Variants in FARP1 observed in about 807,000 individuals in gnomAD.
FARP1 encodes FERM, ARHGEF and pleckstrin domain-containing protein 1.
FARP1 carries 52 observed loss-of-function variants against 128.8 expected under a neutral mutation model. The ratio of observed to expected loss-of-function variants is 0.40; its 90% CI spans 0.32 to 0.51. The LOEUF is 0.51. FARP1 is among the 20% of genes least tolerant of loss of function. The pLI is 0.45. For synonymous variants in FARP1, 580 were observed against 551.8 expected, an observed-to-expected ratio of 1.05 and a Z score of -0.72; for missense variants, 1,333 against 1,367.9, an observed-to-expected ratio of 0.97 and a Z score of 0.40.
chr13:98,392,968 G>C (rs1224257241), intron 11 of FARP1, among the ~76,000 whole-genome samples: 1 of 152,070 alleles, frequency 6.6e-6, no homozygotes, highest in Non-Finnish European at 1.5e-5. Flanking sequence ...TGCTAACCTG[G>C]AGTATTTTGA....
intron 2 of FARP1, among the ~76,000 whole-genome samples, chr13:98,332,131 T>C (rs1231040726): frequency 6.6e-6 from 1 of 152,146 alleles, no homozygotes; most frequent in Non-Finnish European, 1.5e-5. Context: ...TTCAGTGGTA[T>C]TAAGTATGTT....
intron 2 of FARP1, chr13:98,338,979 A>G (rs1887852130): frequency 2.0e-5 from 3 of 152,168 alleles, no homozygotes; most frequent in Admixed American, 6.5e-5. Flanking sequence ...GCGTTGACAC[A>G]CTTAGATAGT....
At chr13:98,174,261 A>G (rs973585034) in intron 1 of FARP1, among the ~76,000 whole-genome samples, 2 of 152,196 alleles carry the variant, frequency 1.3e-5, no homozygotes, top group East Asian at 1.9e-4. Flanking sequence ...TAAGAACTAT[A>G]TATCTTAGTG....
chr13:98,447,837 CCT>C (rs1448956831), intron 26 of FARP1: 3 of 184,756 alleles, frequency 1.6e-5, no homozygotes, highest in South Asian at 1.8e-4. Flanking sequence ...AGAGCCAGAC[CCT>C]GTCTCAAAAA....
At chr13:98,357,605 T>G (rs1161886002) in intron 3 of FARP1, among the ~76,000 whole-genome samples, 1 of 152,204 alleles carries the variant, frequency 6.6e-6, no homozygotes, top group Non-Finnish European at 1.5e-5. Context: ...GGATCTTTTT[T>G]TATATCTTCC....
chr13:98,239,183 T>C (rs1882617083), intron 2 of FARP1, among the ~76,000 whole-genome samples: 1 of 152,186 alleles, frequency 6.6e-6, no homozygotes, highest in Non-Finnish European at 1.5e-5. Flanking sequence ...TTAAGATACT[T>C]ACCCTATGGA....
intron 2 of FARP1, chr13:98,328,457 T>C (rs1023143391): frequency 1.3e-5 from 2 of 152,210 alleles, no homozygotes; most frequent in Admixed American, 6.5e-5. Flanking sequence ...TAAGCACTTA[T>C]CACACACTGT....
chr13:98,161,064 T>C (rs1876847379), intron 1 of FARP1, among the ~76,000 whole-genome samples: 1 of 152,084 alleles, frequency 6.6e-6, no homozygotes, highest in Non-Finnish European at 1.5e-5. Flanking sequence ...AAGTTAGAAT[T>C]CCCCTATGCC....
intron 2 of FARP1, among the ~76,000 whole-genome samples, chr13:98,289,977 C>T (rs781165154): frequency 2.1e-4 from 32 of 152,146 alleles, no homozygotes; most frequent in African/African-American, 7.2e-4. Context: ...CATACACACG[C>T]GTACTTCTCC....
At chr13:98,197,281 A>G (rs926460313) in intron 1 of FARP1, among the ~76,000 whole-genome samples, 2 of 152,168 alleles carry the variant, frequency 1.3e-5, no homozygotes, top group African/African-American at 4.8e-5. Context: ...AGCCTGACCA[A>G]CATGGAGAAA....
rs776063607 is a variant in FARP1, at chr13:98,244,518, G to A, written c.171+31105G>A. 2.2e-5 allele frequency: 36 copies of A among 1,614,122 alleles called. No individual in the cohort carries two copies. In the Admixed American group the frequency reaches 5.8e-4, roughly 26 times the overall value. ...GGTGTCCTCATCCTCCTTCCTCAAA[G>A]CCACCGGCTCCTCCTGGACGGGTTG... On this transcript the variant is annotated intron_variant, in intron 2 of 26. Coordinates refer to ENST00000319562, the MANE Select transcript of FARP1 (RefSeq NM_005766.4).
intron 2 of FARP1, among the ~76,000 whole-genome samples, chr13:98,335,922 G>GCTAAT (rs1372740867): frequency 3.3e-5 from 5 of 152,142 alleles, no homozygotes; most frequent in Non-Finnish European, 7.4e-5. Context: ...TCATGGTTAC[G>GCTAAT]CTAATCCCAA....
intron 2 of FARP1, among the ~76,000 whole-genome samples, chr13:98,326,518 C>A (rs917905665): frequency 6.6e-6 from 1 of 152,170 alleles, no homozygotes; most frequent in African/African-American, 2.4e-5. Flanking sequence ...TTCTGCGAAT[C>A]TGTTGCCTGA....
At chr13:98,349,543 C>T (rs943378354) in intron 3 of FARP1, among the ~76,000 whole-genome samples, 8 of 151,732 alleles carry the variant, frequency 5.3e-5, no homozygotes, top group Admixed American at 3.3e-4. Context: ...TGGTGGCACG[C>T]GTCTATATTC....
intron 2 of FARP1, among the ~76,000 whole-genome samples, chr13:98,313,313 A>AC (rs1886572345): frequency 2.2e-5 from 3 of 139,390 alleles, no homozygotes; most frequent in Non-Finnish European, 3.1e-5. Context: ...CCTTCCCCCA[A>AC]ACACACACAC....
At chr13:98,261,694 G>A (rs1364167840) in intron 2 of FARP1, among the ~76,000 whole-genome samples, 2 of 152,182 alleles carry the variant, frequency 1.3e-5, no homozygotes, top group Non-Finnish European at 2.9e-5. Context: ...GTAACATGCT[G>A]TGTAGGTGTG....
At chr13:98,443,709 A>G (rs1211729858) in intron 24 of FARP1, among the ~76,000 whole-genome samples, 2 of 152,242 alleles carry the variant, frequency 1.3e-5, no homozygotes, top group East Asian at 1.9e-4. Flanking sequence ...TGGGATGGCC[A>G]GAGGGCTGCC....
In FARP1 at chr13:98,411,958, A is replaced by G; in HGVS notation, c.1750A>G (p.Ile584Val). Residue 584 changes from isoleucine (I) to valine (V), a missense_variant, in exon 16 of 27, where the codon ATA becomes GTA. Coordinates refer to ENST00000319562, the MANE Select transcript of FARP1 (RefSeq NM_005766.4). ...DAMPEALKSL[I>V]FPNFEPLHKF... ...CATGCCGGAAGCACTGAAAAGTCTC[A>G]TATTCCCGAATTTTGAACCTTTGCA... The G allele has an allele frequency of 1.9e-6, 3 of 1,614,032 alleles. No individual in the cohort carries two copies. The East Asian group carries it at 6.7e-5, about 36-fold the overall frequency.
intron 2 of FARP1, among the ~76,000 whole-genome samples, chr13:98,215,622 C>A (rs747437238): frequency 2.0e-5 from 3 of 152,142 alleles, no homozygotes; most frequent in Admixed American, 6.6e-5. Flanking sequence ...ACATGCACGT[C>A]CAACTGCCTG....
Sources: gnomAD v4.1 joint callset for allele counts (sites outside exome capture counted in the v4.1 genomes callset) on GRCh38, gnomAD v4.1.1 for gene constraint, MANE v1.5 for transcripts, NCBI Gene and HGNC (gene_info 2026-07-23, HGNC 2026-07-21) for gene names.